GLP2R: variants seen among roughly 807,000 people sequenced by gnomAD.
GLP2R encodes glucagon like peptide 2 receptor, also known as glucagon-like peptide 2 receptor.
A neutral mutation model predicts 68.2 loss-of-function variants in GLP2R; 59 were observed. That is an observed-to-expected ratio of 0.87 (90% CI 0.70 to 1.07). The LOEUF (loss-of-function observed/expected upper bound fraction) is 1.07, where lower values mean the gene tolerates loss of function less well. Among genes scored for constraint, GLP2R ranks in the 50% least tolerant of loss-of-function variants. The pLI is 0.00. For missense variants in GLP2R, 548 were observed against 677.4 expected, an observed-to-expected ratio of 0.81 and a Z score of 2.12; for synonymous variants, 270 against 265.4, an observed-to-expected ratio of 1.02 and a Z score of -0.17.
At chr17:9,867,615 A>G (rs1256800853) in intron 9 of GLP2R, among the ~76,000 whole-genome samples, 2 of 152,204 alleles carry the variant, frequency 1.3e-5, no homozygotes, top group Non-Finnish European at 2.9e-5. Flanking sequence ...CCCTCAGTAG[A>G]ATATTGGTAA....
rs116054562 is a variant in GLP2R at position 9,833,888 on chromosome 17, C to G, written c.271C>G (p.Pro91Ala). The G allele has an allele frequency of 8.0e-4, 1,288 of 1,603,236 alleles. 10 individuals are homozygous for G. The African/African-American group carries it at 0.014, about 17-fold the overall frequency. ...QACLRDLLKEPSGIFCNGTFD... is the reference protein window; with the variant it reads ...QACLRDLLKEASGIFCNGTFD... ...ATGTCTGAGAGACTTACTCAAGGAA[C>G]CTTCTGGTAAGCATGTGTATTAGTT... The change falls in exon 2 of 13, where the codon CCT becomes GCT. Residue 91 changes from proline (P) to alanine (A), a missense_variant. By Grantham distance (27) the Pro-to-Ala change is conservative (BLOSUM62 -1). Coordinates refer to ENST00000262441, the MANE Select transcript of GLP2R (RefSeq NM_004246.3).
At chr17:9,870,013 G>A (rs1350562763) in intron 9 of GLP2R, among the ~76,000 whole-genome samples, 1 of 152,172 alleles carries the variant, frequency 6.6e-6, no homozygotes, top group East Asian at 1.9e-4. Flanking sequence ...GTATTCTAGG[G>A]AGTAGAGAGC....
At chr17:9,857,316 T>G in intron 5 of GLP2R, 107 bp from the exon 6 acceptor site, 1 of 960,902 alleles carries the variant, frequency 1.0e-6, no homozygotes, top group Non-Finnish European at 1.6e-6. Context: ...CAGCCTATAC[T>G]ATGACCCTCT....
chr17:9,850,282 T>C (rs1443104520), intron 4 of GLP2R, among the ~76,000 whole-genome samples: 1 of 152,216 alleles, frequency 6.6e-6, no homozygotes, highest in African/African-American at 2.4e-5. Flanking sequence ...TAGAGGACAG[T>C]TGAACAAAAT....
intron 5 of GLP2R, 149 bp downstream of exon 5, chr17:9,854,750 T>C: frequency 1.6e-6 from 1 of 630,366 alleles, no homozygotes; most frequent in East Asian, 2.7e-5. Flanking sequence ...ACCAACCCTA[T>C]GTTTGGTTCT....
At chr17:9,839,983 CTT>C (rs11387395) in intron 3 of GLP2R, among the ~76,000 whole-genome samples, 17 of 139,316 alleles carry the variant, frequency 1.2e-4, no homozygotes, top group South Asian at 2.3e-4. Flanking sequence ...TCTGAAGCCT[CTT>C]TTTTTTTTTT....
At chr17:9,840,978 C>T (rs1025649236) in intron 3 of GLP2R, among the ~76,000 whole-genome samples, 1 of 150,934 alleles carries the variant, frequency 6.6e-6, no homozygotes, top group African/African-American at 2.4e-5. Flanking sequence ...CTCAGAAAGC[C>T]CTTGGAAGAT....
At chr17:9,865,886 G>A (rs1437962523) in intron 9 of GLP2R, 1 of 471,188 alleles carries the variant, frequency 2.1e-6, no homozygotes, top group Admixed American at 2.3e-5. Flanking sequence ...ATTCCCTTTG[G>A]TCACAAGGAA....
At chr17:9,827,690 C>T (rs1048327063) in intron 1 of GLP2R, among the ~76,000 whole-genome samples, 8 of 152,106 alleles carry the variant, frequency 5.3e-5, no homozygotes, top group Admixed American at 2.6e-4. Flanking sequence ...AGACTGGGCA[C>T]GGTAGCTCAC....
chr17:9,839,685 G>A (rs935430684), intron 3 of GLP2R, among the ~76,000 whole-genome samples: 1 of 152,066 alleles, frequency 6.6e-6, no homozygotes, highest in African/African-American at 2.4e-5. Context: ...CCTACAAATG[G>A]CATGCAAGAC....
chr17:9,865,814 ATTG>A (rs1018253668), intron 9 of GLP2R: 5 of 470,966 alleles, frequency 1.1e-5, no homozygotes, highest in African/African-American at 2.0e-5. Context: ...TTGCTTAACT[ATTG>A]TTGTCTGTGT....
chr17:9,883,473 T>A (rs2067215163), intron 11 of GLP2R, among the ~76,000 whole-genome samples: 1 of 152,036 alleles, frequency 6.6e-6, no homozygotes, highest in Non-Finnish European at 1.5e-5. Context: ...TTTTCCAAAT[T>A]TGAAGAAAAA....
At chr17:9,878,223 A>G (rs2067159134) in intron 10 of GLP2R, among the ~76,000 whole-genome samples, 1 of 152,212 alleles carries the variant, frequency 6.6e-6, no homozygotes, top group Admixed American at 6.5e-5. Flanking sequence ...GCTGTAACCA[A>G]CGATTGCCAT....
At chr17:9,861,072 T>C in intron 7 of GLP2R, 67 bp from the exon 8 acceptor site, 1 of 1,082,888 alleles carries the variant, frequency 9.2e-7, no homozygotes, top group Non-Finnish European at 1.4e-6. Flanking sequence ...CCTCATCCGC[T>C]GTGGTGGGAG....
intron 11 of GLP2R, among the ~76,000 whole-genome samples, chr17:9,887,270 G>A (rs553668582): frequency 1.3e-5 from 2 of 152,100 alleles, no homozygotes; most frequent in African/African-American, 4.8e-5. Flanking sequence ...GCTCATGCCT[G>A]TAATCCCTGT....
chr17:9,826,929 T>TG (rs2066637657), intron 1 of GLP2R, among the ~76,000 whole-genome samples: 1 of 152,198 alleles, frequency 6.6e-6, no homozygotes, highest in Non-Finnish European at 1.5e-5. Flanking sequence ...TGAAGTGCAG[T>TG]GGTGAGATCT....
intron 4 of GLP2R, among the ~76,000 whole-genome samples, chr17:9,848,550 G>A (rs956060906): frequency 1.6e-4 from 25 of 152,122 alleles, no homozygotes; most frequent in South Asian, 6.2e-4. Context: ...AATGGGGAGC[G>A]CTAAGCAAGA....
chr17:9,844,942 TG>T (rs2066823930), intron 4 of GLP2R, among the ~76,000 whole-genome samples: 1 of 151,742 alleles, frequency 6.6e-6, no homozygotes, highest in African/African-American at 2.4e-5. Flanking sequence ...CCACCCGCCT[TG>T]GCCTCCCAAA....
At chr17:9,835,411 G>T (rs1229982919) in intron 2 of GLP2R, among the ~76,000 whole-genome samples, 1 of 152,106 alleles carries the variant, frequency 6.6e-6, no homozygotes, top group Non-Finnish European at 1.5e-5. Context: ...CCATAAGGTG[G>T]AGTTTTAAGG....
Sources: allele counts gnomAD v4.1 joint callset (sites outside exome capture counted in the v4.1 genomes callset), GRCh38; gene constraint gnomAD v4.1.1; transcripts MANE v1.5; gene names NCBI Gene and HGNC (gene_info 2026-07-23, HGNC 2026-07-21).